The following RNF34 variants were observed in gnomAD, a reference collection of about 807,000 sequenced individuals.
RNF34 encodes ring finger protein 34, also known as E3 ubiquitin-protein ligase RNF34.
Under a neutral mutation model 37.9 loss-of-function variants are expected in RNF34, and 12 were observed. That is an observed-to-expected ratio of 0.32 (90% CI 0.20 to 0.51). The LOEUF is 0.51. RNF34 is among the 20% of genes least tolerant of loss of function. The pLI is 0.97. For missense variants in RNF34, 362 were observed against 472.7 expected (o/e 0.77, Z 2.17); for synonymous variants, 155 against 177.2 (o/e 0.87, Z 1.00).
In RNF34 at chr12:121,417,521, CAAG is replaced by C. The variant is rs1593670984; in HGVS notation, c.247_249del (p.Lys83del). 1.2e-6 allele frequency: 2 copies of C among 1,612,638 alleles called. No homozygotes were observed. The highest frequency in any genetic ancestry group is 1.7e-6 in the Non-Finnish European group (2 of 1,178,870). On this transcript the variant is annotated inframe_deletion, in exon 3 of 6. Coordinates refer to ENST00000361234, the MANE Select transcript of RNF34 (RefSeq NM_025126.4). The surrounding 1 kb of genome is among the most constrained non-coding windows in gnomAD (Gnocchi z 5.0). ...TTCTTCAGCATGTTTGCTGTGACTGCAAGAAGGATTTTTGCTCCGTTTGTTCAG... is the reference window on the plus strand; with the variant it reads ...TTCTTCAGCATGTTTGCTGTGACTGCAAGGATTTTTGCTCCGTTTGTTCAG...
intron 1 of RNF34, among the ~76,000 whole-genome samples, chr12:121,412,657 A>ATGT (rs1301370445): frequency 1.3e-5 from 2 of 150,396 alleles, no homozygotes; most frequent in African/African-American, 4.9e-5. Context: ...GAGATTACAG[A>ATGT]TGTGAGCCAT....
intron 1 of RNF34, among the ~76,000 whole-genome samples, chr12:121,403,292 AG>A (rs1486067918): frequency 2.0e-5 from 3 of 151,260 alleles, no homozygotes; most frequent in Non-Finnish European, 4.4e-5. Context: ...GCTACTCTGG[AG>A]GCTGAGGCAG....
intron 1 of RNF34, among the ~76,000 whole-genome samples, chr12:121,403,921 A>G (rs1335692768): frequency 6.6e-6 from 1 of 150,916 alleles, no homozygotes; most frequent in African/African-American, 2.4e-5. Context: ...GGCAAGCAAG[A>G]TAGACTCTTA....
At position 121,416,492 on chromosome 12, in the gene RNF34, G is replaced by A. The variant is rs1007817101; in HGVS notation, c.225+115G>A. 1.3e-5 allele frequency: 10 copies of A among 746,716 alleles called. No homozygotes were observed. The South Asian group carries it at 1.6e-4, about 12-fold the overall frequency. 46.3% of individuals were successfully genotyped at this position (746,716 alleles called of 1,614,324 possible). ...TGTTTATAAAAATATCAAAAGCTTA[G>A]TTCCATTAGCCATTTTCCATCTAGA... On this transcript the variant is annotated intron_variant, in intron 2 of 5. Coordinates refer to ENST00000361234, the MANE Select transcript of RNF34 (RefSeq NM_025126.4).
chr12:121,408,656 A>G (rs1484782565), intron 1 of RNF34, among the ~76,000 whole-genome samples: 1 of 152,154 alleles, frequency 6.6e-6, no homozygotes, highest in African/African-American at 2.4e-5. Flanking sequence ...AAGGAGAGCC[A>G]GGTAGATGGA....
chr12:121,418,177 CAGTTAGACACTAA>C, intron 3 of RNF34: 1 of 430,576 alleles, frequency 2.3e-6, no homozygotes, highest in East Asian at 4.0e-5. Context: ...CTGTCTTACA[CAGTTAGACACTAA>C]CTGTTGAAGA....
intron 1 of RNF34, among the ~76,000 whole-genome samples, chr12:121,415,840 CT>C (rs782608817): frequency 0.021 from 2,217 of 108,050 alleles, 49 homozygotes; most frequent in East Asian, 0.17. Flanking sequence ...TTTGTCCAGT[CT>C]TTTTTTTTTT....
rs1871721778 is a variant in RNF34 at position 121,417,879 on chromosome 12, G to A, written c.601G>A (p.Asp201Asn). The A allele has an allele frequency of 6.2e-7, 1 of 1,614,044 alleles. No individual in the cohort carries two copies. Among genetic ancestry groups the A allele is most frequent in the Non-Finnish European group, 8.5e-7 (1 of 1,180,008 alleles). Residue 201 changes from aspartate (D) to asparagine (N), a missense_variant, in exon 3 of 6, where the codon GAC becomes AAC. By Grantham distance (23) the Asp-to-Asn change is conservative. Coordinates refer to ENST00000361234, the MANE Select transcript of RNF34 (RefSeq NM_025126.4). The surrounding 1 kb of genome is among the most constrained non-coding windows in gnomAD (Gnocchi z 5.0). ...GTTTCAGGGAGAGCTTATGGATGGA[G>A]ACCAAACATCCAGATCTGGAGTGCC... is the stretch of plus-strand genomic sequence containing the variant. ...SSFQGELMDG[D>N]QTSRSGVPAQ...
At chr12:121,416,853 C>G (rs902164999) in intron 2 of RNF34, among the ~76,000 whole-genome samples, 1 of 152,196 alleles carries the variant, frequency 6.6e-6, no homozygotes, top group Non-Finnish European at 1.5e-5. Context: ...AGAGACCCAT[C>G]ATATTGGTAG....
rs144086612 is a variant in RNF34 at position 121,416,329 on chromosome 12, C to G, written c.177C>G (p.Asn59Lys). The change falls in exon 2 of 6, where the codon AAC (asparagine) becomes AAG (lysine). Residue 59 changes from asparagine to lysine, a missense_variant. Transcript: ENST00000361234. ...CACCAGCAGCTACGGAAGGGCCCAA[C>G]ATAGTTTGTAAAGCCTGTGGGCTTT... ...TYPPAATEGPNIVCKACGLSF... is the reference protein window; with the variant it reads ...TYPPAATEGPKIVCKACGLSF... 1.9e-6 allele frequency: 3 copies of G among 1,613,992 alleles called. No individual in the cohort carries two copies. The highest frequency in any genetic ancestry group is 2.5e-6 in the Non-Finnish European group (3 of 1,180,006).
chr12:121,417,922 G>A lies in RNF34; in HGVS notation c.633+11G>A. 1 of 1,610,124 alleles carries A rather than the reference G, an allele frequency of 6.2e-7. No individual in the cohort carries two copies. The highest frequency in any genetic ancestry group is 8.5e-7 in the Non-Finnish European group (1 of 1,178,314). On this transcript the variant is annotated intron_variant, in intron 3 of 5. Transcript: ENST00000361234. This position sits in a 1 kb window ranked among gnomAD's most constrained non-coding sequence, Gnocchi z 5.0. ...GGAGTGCCGGCACAGGTACGAGGGG[G>A]TAACTAATTACACCCAGGGCCCGGC...
At chr12:121,409,234 C>G (rs1555281028) in intron 1 of RNF34, among the ~76,000 whole-genome samples, 1 of 152,156 alleles carries the variant, frequency 6.6e-6, no homozygotes. Flanking sequence ...CTGGCCTCGG[C>G]CTCCCAAACT....
At chr12:121,420,492 A>G in intron 4 of RNF34, 85 bp from the exon 5 acceptor site, 5 of 1,565,332 alleles carry the variant, frequency 3.2e-6, no homozygotes, top group East Asian at 4.5e-5. Context: ...GATGGCTGGG[A>G]GAATATTCAG....
At chr12:121,401,930 T>C (rs1308919883) in intron 1 of RNF34, among the ~76,000 whole-genome samples, 1 of 152,246 alleles carries the variant, frequency 6.6e-6, no homozygotes. Flanking sequence ...CTTTTGTTTT[T>C]GTGAAACTGG....
chr12:121,417,675 C>T lies in RNF34; in HGVS notation c.397C>T (p.Pro133Ser), dbSNP rs782303457. 1.9e-6 allele frequency: 3 copies of T among 1,614,146 alleles called. No individual in the cohort carries two copies. In the South Asian group the frequency reaches 3.3e-5, roughly 18 times the overall value. The change falls in exon 3 of 6, where the codon CCC becomes TCC. Residue 133 changes from proline to serine, a missense_variant. Coordinates refer to ENST00000361234, the MANE Select transcript of RNF34 (RefSeq NM_025126.4). This position sits in a 1 kb window ranked among gnomAD's most constrained non-coding sequence, Gnocchi z 5.0. ...GCAGTATCTCATTCTGAGAAATATA[C>T]CCATAGATACTTGTCGTGAGAAAGA... ...LRQYLILRNI[P>S]IDTCREKEDL...
At position 121,417,320 on chromosome 12, in the gene RNF34, G is replaced by A. The variant is rs1245282936; in HGVS notation, c.226-184G>A. Among the ~76,000 whole-genome samples the A allele has an allele frequency of 2.0e-5, 3 of 152,202 alleles. No individual in the cohort carries two copies. The highest frequency in any genetic ancestry group is 2.9e-5 in the Non-Finnish European group (2 of 68,042). On this transcript the variant is annotated intron_variant, in intron 2 of 5. Coordinates refer to ENST00000361234, the MANE Select transcript of RNF34 (RefSeq NM_025126.4). The surrounding 1 kb of genome is among the most constrained non-coding windows in gnomAD (Gnocchi z 5.0). ...ATTAGAACTTCTGTGAATCCAGACT[G>A]CCTTGGCAATGAATATTTTGATTTT...
At chr12:121,422,370 G>A (rs1218165812) in intron 5 of RNF34, among the ~76,000 whole-genome samples, 1 of 152,154 alleles carries the variant, frequency 6.6e-6, no homozygotes, top group Non-Finnish European at 1.5e-5. Flanking sequence ...GCTTTCCTAA[G>A]TTCTAAAGAG....
In RNF34 at chr12:121,420,709, T is replaced by C. The variant is rs1872052168; in HGVS notation, c.859T>C (p.Cys287Arg). The C allele has an allele frequency of 1.2e-6, 2 of 1,614,172 alleles. No individual in the cohort carries two copies. The highest frequency in any genetic ancestry group is 1.7e-6 in the Non-Finnish European group (2 of 1,180,006). The change falls in exon 5 of 6, where the codon TGT (cysteine) becomes CGT (arginine). Residue 287 changes from cysteine (C) to arginine (R), a missense_variant. Transcript: ENST00000361234. ...GAATTTTGTCAACTATTCTGGCTGT[T>C]GTGAAAAATGGGAACTGGTAGAGAA... The part of the protein sequence containing the change: ...ARNFVNYSGC[C>R]EKWELVEKVN...
chr12:121,419,883 CA>C (rs1452228047), intron 3 of RNF34: 1 of 176,978 alleles, frequency 5.7e-6, no homozygotes, highest in East Asian at 1.3e-4. Context: ...CTGCATCTTA[CA>C]GGCTCCAGTT....
Sources: allele counts gnomAD v4.1 joint callset (sites outside exome capture counted in the v4.1 genomes callset), GRCh38; gene constraint gnomAD v4.1.1; non-coding constraint Gnocchi (gnomAD v3.1); transcripts MANE v1.5; gene names NCBI Gene and HGNC (gene_info 2026-07-23, HGNC 2026-07-21).